The following PRKCE variants were observed in gnomAD, a reference collection of about 807,000 sequenced individuals.
The protein encoded by PRKCE is protein kinase C epsilon.
In PRKCE, 16 loss-of-function variants were observed where a neutral mutation model predicts 85.4. That is an observed-to-expected ratio of 0.19 (90% confidence interval 0.13 to 0.28). The LOEUF (loss-of-function observed/expected upper bound fraction) is 0.28. Among genes scored for constraint, PRKCE ranks in the 10% least tolerant of loss-of-function variants. The pLI, the probability that PRKCE is intolerant of heterozygous loss-of-function variation, is 1.00. For synonymous variants in PRKCE, 388 were observed against 371.5 expected (o/e 1.04, Z -0.51); for missense variants, 573 against 975.2 (o/e 0.59, Z 5.49).
intron 1 of PRKCE, among the ~76,000 whole-genome samples, chr2:45,704,769 CTAAG>C (rs1234146338): frequency 6.6e-6 from 1 of 152,172 alleles, no homozygotes; most frequent in African/African-American, 2.4e-5. Context: ...CAGTTTTCAC[CTAAG>C]TGTTATGCCT....
Position 45,699,560 on chromosome 2 carries a change from G to T in PRKCE, c.348+47112G>T, listed in dbSNP as rs542876893. Reference sequence around the variant, plus strand: ...CGCTGGTGAAGGATGAGGGGCACCAGCCCCCATGCTGTGTGGGTCACTGTA... The same window carrying T: ...CGCTGGTGAAGGATGAGGGGCACCATCCCCCATGCTGTGTGGGTCACTGTA... On this transcript the variant is annotated intron_variant, in intron 1 of 14. Transcript: ENST00000306156. Among the ~76,000 whole-genome samples the T allele has an allele frequency of 2.0e-5, 3 of 152,290 alleles. No homozygotes were observed. The South Asian group carries it at 6.2e-4, about 32-fold the overall frequency.
At chr2:45,851,420 C>CAA (rs1456540843) in intron 2 of PRKCE, among the ~76,000 whole-genome samples, 5 of 152,130 alleles carry the variant, frequency 3.3e-5, no homozygotes, top group Non-Finnish European at 5.9e-5. Context: ...ATGGGGCTTA[C>CAA]ATTCAAGTGG....
intron 1 of PRKCE, among the ~76,000 whole-genome samples, chr2:45,781,171 AC>A (rs1427425443): frequency 2.7e-5 from 4 of 147,686 alleles, no homozygotes; most frequent in African/African-American, 1.1e-4. Flanking sequence ...CCCCATCTCT[AC>A]AAAATAATAA....
chr2:45,824,139 G>A (rs911873972), intron 1 of PRKCE, among the ~76,000 whole-genome samples: 1 of 152,250 alleles, frequency 6.6e-6, no homozygotes, highest in African/African-American at 2.4e-5. Flanking sequence ...GTTTGTTGGT[G>A]GAGAGGTAAT....
chr2:46,128,382 G>T (rs1376049123), intron 11 of PRKCE, among the ~76,000 whole-genome samples: 1 of 152,232 alleles, frequency 6.6e-6, no homozygotes, highest in East Asian at 1.9e-4. Context: ...CCCACTCTGT[G>T]CCAGGAACTG....
chr2:46,113,878 C>T (rs186394487), intron 11 of PRKCE, among the ~76,000 whole-genome samples: 2 of 152,346 alleles, frequency 1.3e-5, no homozygotes, highest in Non-Finnish European at 2.9e-5. Context: ...TCAGTCCTGG[C>T]TGTGGTGGGG....
In PRKCE at chr2:45,819,954, G is replaced by C. The variant is rs532732072; in HGVS notation, c.349-23046G>C. 2.6e-5 allele frequency among the ~76,000 whole-genome samples: 4 copies of C among 152,248 alleles called. No homozygotes were observed. In the East Asian group the frequency reaches 7.7e-4, roughly 29 times the overall value. ...ACTGTATTCCTAATGTATGGATCTG[G>C]GGTGGCTGTTTCTTTGAAAAGCAAC... On this transcript the variant is annotated intron_variant, in intron 1 of 14. Transcript: ENST00000306156.
intron 1 of PRKCE, among the ~76,000 whole-genome samples, chr2:45,820,810 G>A (rs1463556133): frequency 6.6e-6 from 1 of 152,088 alleles, no homozygotes; most frequent in African/African-American, 2.4e-5. Flanking sequence ...TACAGTTGAG[G>A]CCCCAAGAGA....
At chr2:45,737,182 C>T (rs1412884604) in intron 1 of PRKCE, among the ~76,000 whole-genome samples, 10 of 152,180 alleles carry the variant, frequency 6.6e-5, no homozygotes, top group Admixed American at 6.5e-4. Flanking sequence ...ATGTTTCTCC[C>T]ACGCAGCTGT....
In PRKCE at chr2:45,895,835, G is replaced by A. The variant is rs376125687; in HGVS notation, c.412+52772G>A. Among the ~76,000 whole-genome samples the A allele has an allele frequency of 1.4e-4, 21 of 152,156 alleles. No individual in the cohort carries two copies. Among genetic ancestry groups the A allele is most frequent in the Admixed American group, 9.2e-4 (14 of 15,282 alleles). ...GGTGTAGAGGAAGTGCTGTAGGGCC[G>A]CAGGGGTTGGGGCTGTGATAGAGAA... On this transcript the variant is annotated intron_variant, in intron 2 of 14. Coordinates refer to ENST00000306156, the MANE Select transcript of PRKCE (RefSeq NM_005400.3). This position sits in a 1 kb window ranked among gnomAD's most constrained non-coding sequence, Gnocchi z 4.8.
At chr2:45,725,460 C>T (rs1202349393) in intron 1 of PRKCE, among the ~76,000 whole-genome samples, 3 of 152,118 alleles carry the variant, frequency 2.0e-5, no homozygotes, top group African/African-American at 7.2e-5. Flanking sequence ...AAATACATTT[C>T]ATAAGGCTTT....
intron 1 of PRKCE, among the ~76,000 whole-genome samples, chr2:45,673,311 T>G (rs957939616): frequency 1.3e-5 from 2 of 152,218 alleles, no homozygotes; most frequent in African/African-American, 4.8e-5. Context: ...ACGAATGCCA[T>G]AATCAAGTGA....
intron 1 of PRKCE, among the ~76,000 whole-genome samples, chr2:45,832,982 A>C (rs113929530): frequency 0.017 from 2,638 of 152,140 alleles, 78 homozygotes; most frequent in African/African-American, 0.06. Flanking sequence ...ACTCAGAAAG[A>C]TGGAAACAAA....
chr2:45,871,910 G>A (rs550954549), intron 2 of PRKCE, among the ~76,000 whole-genome samples: 1 of 152,280 alleles, frequency 6.6e-6, no homozygotes, highest in South Asian at 2.1e-4. Flanking sequence ...TGAGGAACTT[G>A]GAGCAGCTAG....
In PRKCE at chr2:45,783,389, G is replaced by A. The variant is rs370895704; in HGVS notation, c.349-59611G>A. ...GTGCACACATAGACCCCCACCCACC[G>A]AAGGCTGCACCCTGTTGGTTTTCTT... On this transcript the variant is annotated intron_variant, in intron 1 of 14. Transcript: ENST00000306156. 1.7e-3 allele frequency among the ~76,000 whole-genome samples: 253 copies of A among 152,254 alleles called. 1 individual carries two copies. Among genetic ancestry groups the A allele is most frequent in the African/African-American group, 5.4e-3 (226 of 41,528 alleles).
intron 11 of PRKCE, among the ~76,000 whole-genome samples, chr2:46,091,172 G>A (rs899505365): frequency 6.6e-6 from 1 of 152,106 alleles, no homozygotes; most frequent in Non-Finnish European, 1.5e-5. Context: ...GGGGGTTCCT[G>A]TCCCTTGTGC....
intron 10 of PRKCE, among the ~76,000 whole-genome samples, chr2:46,070,197 T>C (rs145751584): frequency 9.9e-4 from 151 of 152,348 alleles, no homozygotes; most frequent in African/African-American, 3.4e-3. Flanking sequence ...GGGAGAACTG[T>C]TGTGTTCCTT....
At chr2:46,152,010 C>G (rs920033226) in intron 13 of PRKCE, among the ~76,000 whole-genome samples, 1 of 152,220 alleles carries the variant, frequency 6.6e-6, no homozygotes, top group Non-Finnish European at 1.5e-5. Context: ...ACCCAGGGAC[C>G]ATGACTTCTA....
At chr2:45,910,233 G>A (rs1697286006) in intron 2 of PRKCE, among the ~76,000 whole-genome samples, 1 of 152,224 alleles carries the variant, frequency 6.6e-6, no homozygotes, top group Non-Finnish European at 1.5e-5. Context: ...CTCACCTTAA[G>A]TGTCTCTGAA....
Sources: gnomAD v4.1 joint callset for allele counts (sites outside exome capture counted in the v4.1 genomes callset) on GRCh38, gnomAD v4.1.1 for gene constraint, Gnocchi (gnomAD v3.1) non-coding constraint, MANE v1.5 for transcripts, NCBI Gene and HGNC (gene_info 2026-07-23, HGNC 2026-07-21) for gene names.